The following CFAP61 variants were observed in gnomAD, a reference collection of about 807,000 sequenced individuals.
The protein encoded by CFAP61 is cilia- and flagella-associated protein 61.
In CFAP61, 107 loss-of-function variants were observed where a neutral mutation model predicts 135.6. The ratio of observed to expected loss-of-function variants is 0.79; its 90% CI spans 0.67 to 0.93. The LOEUF (loss-of-function observed/expected upper bound fraction) is 0.93, where lower values mean the gene tolerates loss of function less well. Among genes scored for constraint, CFAP61 ranks in the 40% least tolerant of loss-of-function variants. The pLI is 0.00. For missense variants in CFAP61, 1,507 were observed against 1,556.2 expected (o/e 0.97, Z 0.53); for synonymous variants, 575 against 578.5 (o/e 0.99, Z 0.09).
chr20:20,190,166 G>T (rs750381161), intron 14 of CFAP61, among the ~76,000 whole-genome samples: 1 of 152,196 alleles, frequency 6.6e-6, no homozygotes, highest in Non-Finnish European at 1.5e-5. Context: ...CCAGAGAAAT[G>T]AAGAGTTTAC....
intron 26 of CFAP61, among the ~76,000 whole-genome samples, chr20:20,344,758 C>A (rs944763885): frequency 6.6e-6 from 1 of 152,014 alleles, no homozygotes; most frequent in African/African-American, 2.4e-5. Context: ...GGGTATATAT[C>A]CAAAAGAAAG....
intron 20 of CFAP61, 38 bp from the exon 21 acceptor site, chr20:20,262,911 TTTATCTA>T (rs1336837542): frequency 7.4e-7 from 1 of 1,352,086 alleles, no homozygotes; most frequent in Non-Finnish European, 1.0e-6. Context: ...CTGTCACCAC[TTTATCTA>T]TTATCACTGA....
At chr20:20,177,696 G>A (rs1260182923) in intron 13 of CFAP61, among the ~76,000 whole-genome samples, 4 of 150,576 alleles carry the variant, frequency 2.7e-5, no homozygotes, top group Non-Finnish European at 5.9e-5. Flanking sequence ...ATTCTAGATG[G>A]TGGAGAAAGA....
At chr20:20,247,582 C>T (rs1048880913) in intron 19 of CFAP61, among the ~76,000 whole-genome samples, 5 of 152,192 alleles carry the variant, frequency 3.3e-5, no homozygotes, top group Non-Finnish European at 7.3e-5. Flanking sequence ...ATGAAAAAGT[C>T]GGCTCCTCAC....
chr20:20,283,732 C>T (rs1301199258), intron 22 of CFAP61, among the ~76,000 whole-genome samples: 1 of 152,220 alleles, frequency 6.6e-6, no homozygotes, highest in Non-Finnish European at 1.5e-5. Flanking sequence ...GTCCCCACTT[C>T]CTTGCTGGCC....
At chr20:20,258,470 G>A (rs1467668632) in intron 20 of CFAP61, 1 of 152,134 alleles carries the variant, frequency 6.6e-6, no homozygotes, top group Non-Finnish European at 1.5e-5. Context: ...AGCACAGCGA[G>A]GGAGGGGCTC....
intron 21 of CFAP61, among the ~76,000 whole-genome samples, chr20:20,268,592 A>T (rs2053002015): frequency 6.6e-6 from 1 of 152,190 alleles, no homozygotes; most frequent in African/African-American, 2.4e-5. Context: ...GGATGGATTT[A>T]TAGAAGTAAA....
At chr20:20,107,539 A>G (rs1441484859) in intron 8 of CFAP61, 2 of 152,238 alleles carry the variant, frequency 1.3e-5, no homozygotes, top group Non-Finnish European at 2.9e-5. Flanking sequence ...AAAAATTAGC[A>G]TACAGTAGTG....
chr20:20,312,725 A>G (rs2056902748), intron 25 of CFAP61, among the ~76,000 whole-genome samples: 1 of 152,260 alleles, frequency 6.6e-6, no homozygotes, highest in Admixed American at 6.5e-5. Context: ...TTCTTTACAG[A>G]CGAATAAGAT....
rs531319581 is a variant in CFAP61, at chr20:20,054,088, A to T, written c.-37+1497A>T. Among the ~76,000 whole-genome samples the T allele has an allele frequency of 5.6e-5, 8 of 143,164 alleles. No individual in the cohort carries two copies. In the South Asian group the frequency reaches 1.7e-3, roughly 31 times the overall value. The allele number at this position is 143,164 out of a possible 152,430, so 93.9% of individuals were successfully genotyped here. Reference sequence around the variant, plus strand: ...TTGCCATCAATGCTTTTGTAGATATACCTTCATGTTTACCTTCTTATTTCC... The same window carrying T: ...TTGCCATCAATGCTTTTGTAGATATTCCTTCATGTTTACCTTCTTATTTCC... On this transcript the variant is annotated intron_variant, in intron 1 of 26. Transcript: ENST00000245957.
chr20:20,262,104 T>C (rs1295898430), intron 20 of CFAP61, among the ~76,000 whole-genome samples: 1 of 152,228 alleles, frequency 6.6e-6, no homozygotes, highest in Non-Finnish European at 1.5e-5. Flanking sequence ...ACAATTTCTG[T>C]GGCAGATTAT....
chr20:20,080,290 A>T (rs1335923587), intron 6 of CFAP61, among the ~76,000 whole-genome samples: 1 of 152,026 alleles, frequency 6.6e-6, no homozygotes, highest in Non-Finnish European at 1.5e-5. Flanking sequence ...TATATTTTTC[A>T]CTTAACATAG....
chr20:20,146,776 C>G (rs1379942477), intron 9 of CFAP61, among the ~76,000 whole-genome samples: 2 of 152,106 alleles, frequency 1.3e-5, no homozygotes, highest in Admixed American at 1.3e-4. Flanking sequence ...TTTTAAGTTT[C>G]AATAGTTTTG....
intron 21 of CFAP61, among the ~76,000 whole-genome samples, chr20:20,272,958 G>A (rs1569225009): frequency 6.6e-6 from 1 of 152,018 alleles, no homozygotes; most frequent in Non-Finnish European, 1.5e-5. Flanking sequence ...AACCAGGGGT[G>A]GAAATCTCTC....
chr20:20,348,812 A>C (rs1319377582), intron 26 of CFAP61, among the ~76,000 whole-genome samples: 1 of 151,616 alleles, frequency 6.6e-6, no homozygotes, highest in Non-Finnish European at 1.5e-5. Context: ...AAAAAAAAAA[A>C]CAAACTGTCA....
At chr20:20,209,270 C>T (rs556401967) in intron 17 of CFAP61, among the ~76,000 whole-genome samples, 22 of 152,284 alleles carry the variant, frequency 1.4e-4, no homozygotes, top group South Asian at 8.3e-4. Flanking sequence ...ATTTTTATCA[C>T]GATGAACAGT....
At chr20:20,214,858 C>T (rs1227696061) in intron 17 of CFAP61, among the ~76,000 whole-genome samples, 1 of 152,202 alleles carries the variant, frequency 6.6e-6, no homozygotes, top group Non-Finnish European at 1.5e-5. Context: ...AGCGCTGCAC[C>T]TGCTTCCTGT....
At chr20:20,112,375 T>C (rs1222202800) in intron 8 of CFAP61, among the ~76,000 whole-genome samples, 4 of 152,196 alleles carry the variant, frequency 2.6e-5, no homozygotes, top group Non-Finnish European at 5.9e-5. Context: ...AAATATAACC[T>C]TGGGAAAGTT....
Position 20,158,164 on chromosome 20 carries a change from C to T in CFAP61, c.952-1206C>T, listed in dbSNP as rs977565014. On this transcript the variant is annotated intron_variant, in intron 9 of 26. Transcript: ENST00000245957. ...CTAGATGACGAGTTAGTGGGTGCAG[C>T]GCACCACCATGGCACATGTATACAT... Among the ~76,000 whole-genome samples, 286 of 151,396 alleles carry T rather than the reference C, an allele frequency of 1.9e-3. 4 individuals carry two copies. Among genetic ancestry groups the T allele is most frequent in the African/African-American group, 3.3e-3 (137 of 41,236 alleles).
Sources: gnomAD v4.1 joint callset for allele counts (sites outside exome capture counted in the v4.1 genomes callset) on GRCh38, gnomAD v4.1.1 for gene constraint, MANE v1.5 for transcripts, NCBI Gene and HGNC (gene_info 2026-07-23, HGNC 2026-07-21) for gene names.